Variants in TMEFF1 observed in about 807,000 individuals in gnomAD.
TMEFF1 encodes transmembrane protein with EGF like and two follistatin like domains 1, also known as tomoregulin-1.
TMEFF1 carries 20 observed loss-of-function variants against 47.5 expected under a neutral mutation model. The ratio of observed to expected loss-of-function variants is 0.42; its 90% CI spans 0.30 to 0.61. The LOEUF (loss-of-function observed/expected upper bound fraction) is 0.61, where lower values mean the gene tolerates loss of function less well. Ranked by LOEUF, TMEFF1 falls within the 20% of genes least tolerant of loss-of-function variation. The pLI, the probability that TMEFF1 is intolerant of heterozygous loss-of-function variation, is 0.19. For synonymous variants in TMEFF1, 162 were observed against 166.3 expected (o/e 0.97, Z 0.20); for missense variants, 411 against 471.1 (o/e 0.87, Z 1.18).
chr9:100,518,580 G>T, intron 5 of TMEFF1: 1 of 827,268 alleles, frequency 1.2e-6, no homozygotes, highest in Non-Finnish European at 1.5e-6. Flanking sequence ...AAATACGAAG[G>T]AAGCAGTTGG....
intron 8 of TMEFF1, among the ~76,000 whole-genome samples, chr9:100,570,253 A>G (rs1384956448): frequency 6.6e-6 from 1 of 152,158 alleles, no homozygotes; most frequent in Non-Finnish European, 1.5e-5. Context: ...TAGTGCAGAT[A>G]TTTCTTCAAT....
chr9:100,487,681 G>GTAAC (rs958189453), intron 1 of TMEFF1, among the ~76,000 whole-genome samples: 1 of 152,014 alleles, frequency 6.6e-6, no homozygotes, highest in Non-Finnish European at 1.5e-5. Context: ...TTCAGCCAGA[G>GTAAC]TAACAGTCAG....
intron 7 of TMEFF1, among the ~76,000 whole-genome samples, chr9:100,555,745 A>T (rs10989152): frequency 0.27 from 41,059 of 152,050 alleles, 6,736 homozygotes; most frequent in African/African-American, 0.46. Context: ...CATTGGTGAG[A>T]TAGTTATCTG....
intron 8 of TMEFF1, among the ~76,000 whole-genome samples, chr9:100,563,016 C>G (rs1287767961): frequency 6.6e-6 from 1 of 152,104 alleles, no homozygotes; most frequent in African/African-American, 2.4e-5. Context: ...TGGGGTTTCA[C>G]TATGTTGGCC....
intron 8 of TMEFF1, among the ~76,000 whole-genome samples, chr9:100,569,417 T>C (rs748611780): frequency 6.6e-6 from 1 of 152,208 alleles, no homozygotes; most frequent in South Asian, 2.1e-4. Flanking sequence ...GTATTAGTTA[T>C]TTATATATTC....
intron 8 of TMEFF1, among the ~76,000 whole-genome samples, chr9:100,563,460 G>A (rs1023388434): frequency 5.9e-5 from 9 of 152,226 alleles, no homozygotes; most frequent in Non-Finnish European, 1.0e-4. Flanking sequence ...AAAGTAAGAG[G>A]ATTGAATCGT....
intron 1 of TMEFF1, among the ~76,000 whole-genome samples, chr9:100,494,229 A>T (rs1384364566): frequency 6.6e-6 from 1 of 151,068 alleles, no homozygotes; most frequent in East Asian, 1.9e-4. Context: ...AAAAAAAAAA[A>T]AGTAAGGTGT....
intron 5 of TMEFF1, among the ~76,000 whole-genome samples, chr9:100,543,166 G>A (rs1403093762): frequency 6.6e-6 from 1 of 152,120 alleles, no homozygotes; most frequent in Non-Finnish European, 1.5e-5. Flanking sequence ...GACCTCAGGT[G>A]ATTCGCCCAC....
At chr9:100,566,276 C>G (rs945900685) in intron 8 of TMEFF1, among the ~76,000 whole-genome samples, 1 of 152,282 alleles carries the variant, frequency 6.6e-6, no homozygotes, top group Non-Finnish European at 1.5e-5. Flanking sequence ...GCTAATAACT[C>G]CTAATTTACA....
intron 7 of TMEFF1, among the ~76,000 whole-genome samples, chr9:100,560,401 A>C (rs1055287423): frequency 2.0e-5 from 3 of 152,176 alleles, no homozygotes; most frequent in Non-Finnish European, 2.9e-5. Flanking sequence ...AATGGCAGGA[A>C]GCCTGGGGAT....
At chr9:100,544,081 C>T (rs557079356) in intron 5 of TMEFF1, among the ~76,000 whole-genome samples, 108 of 146,168 alleles carry the variant, frequency 7.4e-4, no homozygotes, top group Middle Eastern at 3.6e-3. Flanking sequence ...AGTTTACCTT[C>T]ATGCTGATAT....
chr9:100,535,531 G>A (rs575029691), intron 5 of TMEFF1, among the ~76,000 whole-genome samples: 36 of 152,218 alleles, frequency 2.4e-4, no homozygotes, highest in Non-Finnish European at 4.8e-4. Context: ...AGCACTTTGG[G>A]AGGCCGAGGT....
intron 6 of TMEFF1, among the ~76,000 whole-genome samples, chr9:100,549,477 T>C (rs1459747779): frequency 1.3e-5 from 2 of 152,340 alleles, no homozygotes; most frequent in Non-Finnish European, 2.9e-5. Flanking sequence ...TTAATTGAAA[T>C]GCATCCTTTA....
intron 5 of TMEFF1, among the ~76,000 whole-genome samples, chr9:100,546,884 G>A (rs1838742448): frequency 6.6e-6 from 1 of 152,112 alleles, no homozygotes. Context: ...CTTCTCTGTA[G>A]TACAACACTC....
intron 1 of TMEFF1, among the ~76,000 whole-genome samples, chr9:100,482,920 C>T (rs1318115820): frequency 6.6e-6 from 1 of 152,136 alleles, no homozygotes; most frequent in Non-Finnish European, 1.5e-5. Flanking sequence ...TTGAAACCTA[C>T]CCTGCTATCT....
At chr9:100,518,396 A>C (rs911402914) in intron 5 of TMEFF1, 41 of 980,710 alleles carry the variant, frequency 4.2e-5, no homozygotes, top group Non-Finnish European at 5.0e-5. Flanking sequence ...TTTATCTGAG[A>C]GCTTGCCACC....
chr9:100,576,377 C>G, intron 9 of TMEFF1, 139 bp from the exon 10 acceptor site: 1 of 1,052,374 alleles, frequency 9.5e-7, no homozygotes, highest in South Asian at 1.7e-5. Context: ...GCAACAGATA[C>G]CATCTCATTT....
At chr9:100,497,318 G>GTTTTTTTTT (rs1328828062) in intron 1 of TMEFF1, among the ~76,000 whole-genome samples, 3 of 84,874 alleles carry the variant, frequency 3.5e-5, no homozygotes, top group African/African-American at 1.4e-4. Context: ...TTCCACTCAT[G>GTTTTTTTTT]TCTTTTTTTT....
intron 5 of TMEFF1, among the ~76,000 whole-genome samples, chr9:100,533,432 C>G (rs879726897): frequency 1.3e-5 from 2 of 151,916 alleles, no homozygotes; most frequent in African/African-American, 2.4e-5. Context: ...TTACAATAAC[C>G]TTTTATTATC....
Sources: allele counts gnomAD v4.1 joint callset (sites outside exome capture counted in the v4.1 genomes callset), GRCh38; gene constraint gnomAD v4.1.1; transcripts MANE v1.5; gene names NCBI Gene and HGNC (gene_info 2026-07-23, HGNC 2026-07-21).